The following RBM19 variants were observed in gnomAD, a reference collection of about 807,000 sequenced individuals.
RBM19 encodes probable RNA-binding protein 19.
A neutral mutation model predicts 116.8 loss-of-function variants in RBM19; 94 were observed. That is an observed-to-expected ratio of 0.80 (90% confidence interval 0.68 to 0.95). The LOEUF (loss-of-function observed/expected upper bound fraction) is 0.95. Among genes scored for constraint, RBM19 ranks in the 40% least tolerant of loss-of-function variants. RBM19 has a pLI of 0.00. For missense variants in RBM19, 1,161 were observed against 1,220.7 expected, an observed-to-expected ratio of 0.95 and a Z score of 0.73; for synonymous variants, 475 against 494.1, an observed-to-expected ratio of 0.96 and a Z score of 0.51.
At position 113,942,323 on chromosome 12, in the gene RBM19, C is replaced by T. The variant is rs1168915116; in HGVS notation, c.1737+1G>A. ...TGGCTGGCGCCACCGAGAACACCCA[C>T]CTGGCTGAAGGAATCCAGGCTGACC... On this transcript the variant is annotated splice_donor_variant, in intron 14 of 23. Coordinates refer to ENST00000261741, the MANE Select transcript of RBM19 (RefSeq NM_016196.4). LOFTEE classifies it high-confidence loss of function. 6.2e-7 allele frequency: 1 copy of T among 1,603,724 alleles called. No homozygotes were observed. The highest frequency in any genetic ancestry group is 2.2e-5 in the East Asian group (1 of 44,860).
chr12:113,924,831 T>C (rs1868917781), intron 17 of RBM19, 74 bp from the exon 18 acceptor site: 4 of 1,269,590 alleles, frequency 3.2e-6, no homozygotes, highest in Non-Finnish European at 2.3e-6. Flanking sequence ...TCAAACACTA[T>C]ACCCCCAAAT....
rs1327017500 is a variant in RBM19 at position 113,898,783 on chromosome 12, G to A, written c.2558+16186C>T. Among the ~76,000 whole-genome samples the A allele has an allele frequency of 1.3e-5, 2 of 152,154 alleles. No homozygotes were observed. Among genetic ancestry groups the A allele is most frequent in the Non-Finnish European group, 2.9e-5 (2 of 68,032 alleles). ...AACAGATTATAGATCTGGACCTGAG[G>A]CTACATCTTTCTAATATTAAAAACC... On this transcript the variant is annotated intron_variant, in intron 21 of 23. Coordinates refer to ENST00000261741, the MANE Select transcript of RBM19 (RefSeq NM_016196.4). This position sits in a 1 kb window ranked among gnomAD's most constrained non-coding sequence, Gnocchi z 4.3.
At chr12:113,846,338 CT>C (rs1876970756) in intron 22 of RBM19, among the ~76,000 whole-genome samples, 1 of 151,972 alleles carries the variant, frequency 6.6e-6, no homozygotes, top group Non-Finnish European at 1.5e-5. Flanking sequence ...CTTATCTACA[CT>C]GTAGCTCCTA....
In RBM19 at chr12:113,920,640, G is replaced by A; in HGVS notation, c.2356C>T (p.Gln786Ter). 1 of 1,614,116 alleles carries A rather than the reference G, an allele frequency of 6.2e-7. No individual in the cohort carries two copies. Among genetic ancestry groups the A allele is most frequent in the Non-Finnish European group, 8.5e-7 (1 of 1,180,012 alleles). ...AGCTGCTTGAGAGCTTTCTGGGCTTGCTCCGGCTTCCTGTATTCCACAAAT... is the reference window on the plus strand; with the variant it reads ...AGCTGCTTGAGAGCTTTCTGGGCTTACTCCGGCTTCCTGTATTCCACAAAT... Reference protein sequence around the residue: ...FGFVEYRKPEQAQKALKQLQG... With the variant: ...FGFVEYRKPE The change falls in exon 19 of 24, where the codon CAA becomes TAA. Residue 786 changes from glutamine to a stop codon, truncating the protein, a stop_gained. Transcript: ENST00000261741. LOFTEE classifies it high-confidence loss of function.
At chr12:113,910,917 G>A (rs952224739) in intron 21 of RBM19, among the ~76,000 whole-genome samples, 3 of 152,178 alleles carry the variant, frequency 2.0e-5, no homozygotes, top group African/African-American at 7.2e-5. Flanking sequence ...TATACACTCA[G>A]GCCCGATCCA....
At chr12:113,959,931 G>C in intron 3 of RBM19, 28 bp from the exon 4 acceptor site, 1 of 1,614,104 alleles carries the variant, frequency 6.2e-7, no homozygotes, top group Non-Finnish European at 8.5e-7. Context: ...AGAGAGTGAG[G>C]GTCACACAGA....
chr12:113,878,725 G>T (rs886197072), intron 21 of RBM19, among the ~76,000 whole-genome samples: 3 of 149,902 alleles, frequency 2.0e-5, no homozygotes, highest in Admixed American at 1.3e-4. Context: ...GCCGCCCAAG[G>T]TCACCTATGC....
chr12:113,836,673 C>G (rs1264451023), intron 23 of RBM19, among the ~76,000 whole-genome samples: 1 of 152,048 alleles, frequency 6.6e-6, no homozygotes, highest in South Asian at 2.1e-4. Context: ...CTCATGGCAC[C>G]TGGGCACTAA....
At chr12:113,860,541 T>C (rs186650179) in intron 21 of RBM19, among the ~76,000 whole-genome samples, 1 of 152,270 alleles carries the variant, frequency 6.6e-6, no homozygotes, top group Non-Finnish European at 1.5e-5. Flanking sequence ...CCTGAGAGCG[T>C]TCAGAGCTGG....
chr12:113,960,291 G>C, intron 2 of RBM19, 113 bp from the exon 3 acceptor site: 1 of 1,414,050 alleles, frequency 7.1e-7, no homozygotes, highest in Non-Finnish European at 9.7e-7. Flanking sequence ...GCCTAGCTGA[G>C]TTTGCTGAAG....
chr12:113,838,180 C>T (rs900951410), intron 23 of RBM19, among the ~76,000 whole-genome samples: 1 of 152,248 alleles, frequency 6.6e-6, no homozygotes, highest in Non-Finnish European at 1.5e-5. Context: ...CGATCACACA[C>T]ATAACTGCAC....
chr12:113,827,146 C>A (rs977405215), intron 23 of RBM19, among the ~76,000 whole-genome samples: 1 of 152,068 alleles, frequency 6.6e-6, no homozygotes, highest in African/African-American at 2.4e-5. Context: ...TGGGTTTTCA[C>A]CAAACAAACA....
chr12:113,859,052 G>T, intron 21 of RBM19, 156 bp from the exon 22 acceptor site: 1 of 672,874 alleles, frequency 1.5e-6, no homozygotes, highest in Non-Finnish European at 2.6e-6. Context: ...TCAGGGGCAT[G>T]AGCAGCCTTC....
At chr12:113,952,398 C>T in intron 8 of RBM19, 114 bp downstream of exon 8, 3 of 950,804 alleles carry the variant, frequency 3.2e-6, no homozygotes, top group South Asian at 3.1e-5. Flanking sequence ...CAACTGAGGA[C>T]CACAAACAGG....
At chr12:113,871,337 A>G (rs527826767) in intron 21 of RBM19, among the ~76,000 whole-genome samples, 24 of 152,354 alleles carry the variant, frequency 1.6e-4, no homozygotes, top group African/African-American at 5.8e-4. Flanking sequence ...TCGTTTATTT[A>G]ATTTCTCATC....
chr12:113,856,107 T>C (rs1258536215), intron 22 of RBM19, among the ~76,000 whole-genome samples: 3 of 152,134 alleles, frequency 2.0e-5, no homozygotes, highest in Non-Finnish European at 4.4e-5. Context: ...AATAGCCACC[T>C]GATGGGGAGA....
chr12:113,881,138 C>T (rs746466536), intron 21 of RBM19, among the ~76,000 whole-genome samples: 4 of 152,142 alleles, frequency 2.6e-5, no homozygotes, highest in South Asian at 2.1e-4. Context: ...TTCTGGAACA[C>T]GCACTGTCTT....
At chr12:113,933,768 C>T (rs1000796367) in intron 16 of RBM19, among the ~76,000 whole-genome samples, 1 of 152,210 alleles carries the variant, frequency 6.6e-6, no homozygotes, top group African/African-American at 2.4e-5. Flanking sequence ...GGGCCCACTT[C>T]TATTACTACT....
At chr12:113,894,203 A>C (rs1199540581) in intron 21 of RBM19, among the ~76,000 whole-genome samples, 1 of 152,196 alleles carries the variant, frequency 6.6e-6, no homozygotes, top group Non-Finnish European at 1.5e-5. Flanking sequence ...GTGTGAGTCA[A>C]AGTCATCTTG....
Sources: gnomAD v4.1 joint callset for allele counts (sites outside exome capture counted in the v4.1 genomes callset) on GRCh38, gnomAD v4.1.1 for gene constraint, Gnocchi (gnomAD v3.1) non-coding constraint, MANE v1.5 for transcripts, NCBI Gene and HGNC (gene_info 2026-07-23, HGNC 2026-07-21) for gene names.